VRK2: variants seen among roughly 807,000 people sequenced by gnomAD.
VRK2 encodes the protein VRK serine/threonine kinase 2, also known as serine/threonine-protein kinase VRK2.
Under a neutral mutation model 57.6 loss-of-function variants are expected in VRK2, and 60 were observed. The observed-to-expected ratio is 1.04, with a 90% CI of 0.85 to 1.29. The LOEUF (loss-of-function observed/expected upper bound fraction) is 1.29, where lower values mean the gene tolerates loss of function less well. Ranked by LOEUF, VRK2 falls within the 50% of genes most tolerant of loss-of-function variation. The probability of loss-of-function intolerance (pLI) is 0.00; values close to 1 mark genes in which losing one functional copy is unlikely to be tolerated. For missense variants in VRK2, 705 were observed against 588.1 expected (o/e 1.20, Z -2.06); for synonymous variants, 231 against 199.2 (o/e 1.16, Z -1.35).
chr2:58,005,677 A>T (rs1178732628), intron 1 of VRK2, among the ~76,000 whole-genome samples: 3 of 152,186 alleles, frequency 2.0e-5, no homozygotes, highest in Admixed American at 6.5e-5. Flanking sequence ...GTCAGTAAAA[A>T]CATTCAGTGA....
rs1346306651 is a variant in VRK2, at chr2:58,159,804, T to G, written c.*111T>G. The G allele has an allele frequency of 6.2e-7, 1 of 1,612,102 alleles. No individual in the cohort carries two copies. Among genetic ancestry groups the G allele is most frequent in the East Asian group, 2.2e-5 (1 of 44,810 alleles). ...CAGACATTTTTAAGGTAATTGGCTT[T>G]AAAAAGAGAACATATTTTAACAAAG... On this transcript the variant is annotated 3_prime_UTR_variant, in exon 13 of 13. Coordinates refer to ENST00000340157, the MANE Select transcript of VRK2 (RefSeq NM_006296.7).
chr2:57,988,032 G>T (rs1333533220), intron 1 of VRK2, among the ~76,000 whole-genome samples: 1 of 152,156 alleles, frequency 6.6e-6, no homozygotes, highest in Admixed American at 6.5e-5. Context: ...AGCATGGCAT[G>T]GGAAATTTGT....
chr2:58,095,155 G>A (rs1485322518), intron 7 of VRK2, among the ~76,000 whole-genome samples: 5 of 152,190 alleles, frequency 3.3e-5, no homozygotes, highest in South Asian at 4.2e-4. Context: ...TTATCCGGGC[G>A]TGGTGGCAGG....
chr2:58,150,285 A>G (rs1032148093), intron 12 of VRK2, among the ~76,000 whole-genome samples: 4 of 151,436 alleles, frequency 2.6e-5, no homozygotes, highest in African/African-American at 9.7e-5. Context: ...TTTACTTTCT[A>G]TAATATATAG....
At chr2:57,937,822 T>C (rs907416229) in intron 1 of VRK2, among the ~76,000 whole-genome samples, 18 of 140,620 alleles carry the variant, frequency 1.3e-4, no homozygotes, top group African/African-American at 4.4e-4. Context: ...TTATTGTTTA[T>C]CTTTCTTTTT....
At chr2:58,113,217 G>A (rs921038844) in intron 7 of VRK2, among the ~76,000 whole-genome samples, 5 of 151,536 alleles carry the variant, frequency 3.3e-5, no homozygotes, top group African/African-American at 9.7e-5. Context: ...GCTGCGGCAG[G>A]AGACTCACAT....
At chr2:57,933,960 G>C (rs537878748) in intron 1 of VRK2, among the ~76,000 whole-genome samples, 1 of 152,152 alleles carries the variant, frequency 6.6e-6, no homozygotes, top group East Asian at 1.9e-4. Flanking sequence ...ACATTTTATA[G>C]AGTCTAACAG....
chr2:58,116,670 A>G (rs1676549829), intron 7 of VRK2, among the ~76,000 whole-genome samples: 1 of 152,214 alleles, frequency 6.6e-6, no homozygotes. Context: ...CGAGGCAATC[A>G]GACAGCATCA....
chr2:58,039,673 A>C (rs1674384421), intron 3 of VRK2, among the ~76,000 whole-genome samples: 1 of 152,116 alleles, frequency 6.6e-6, no homozygotes, highest in Non-Finnish European at 1.5e-5. Flanking sequence ...TTATACTGTT[A>C]ATTGAAAAAA....
At chr2:57,958,451 ATATATATACATG>A (rs1671654595) in intron 1 of VRK2, among the ~76,000 whole-genome samples, 1 of 148,394 alleles carries the variant, frequency 6.7e-6, no homozygotes, top group Non-Finnish European at 1.5e-5. Context: ...ATATATTTGT[ATATATATACATG>A]TATATATACA....
intron 1 of VRK2, chr2:57,907,960 T>C (rs944999655): frequency 2.6e-5 from 4 of 152,118 alleles, no homozygotes; most frequent in African/African-American, 9.7e-5. Flanking sequence ...ATAATCCAAG[T>C]ACAGAAGATC....
chr2:58,113,606 G>T (rs1446933691), intron 7 of VRK2, among the ~76,000 whole-genome samples: 1 of 152,126 alleles, frequency 6.6e-6, no homozygotes. Context: ...AGTCAAAGGG[G>T]GTTGTTCTCT....
intron 1 of VRK2, among the ~76,000 whole-genome samples, chr2:57,978,608 GA>G (rs2104041966): frequency 6.6e-6 from 1 of 150,762 alleles, no homozygotes; most frequent in South Asian, 2.1e-4. Context: ...TAGAGACATG[GA>G]TCATGTGATC....
intron 1 of VRK2, among the ~76,000 whole-genome samples, chr2:57,988,236 C>T (rs1271186638): frequency 6.6e-6 from 1 of 152,156 alleles, no homozygotes; most frequent in Non-Finnish European, 1.5e-5. Flanking sequence ...CTTCCATTTT[C>T]TCTTTAACAT....
At chr2:58,083,453 G>A (rs1041985385) in intron 2 of VRK2, among the ~76,000 whole-genome samples, 7 of 151,652 alleles carry the variant, frequency 4.6e-5, no homozygotes, top group African/African-American at 1.7e-4. Flanking sequence ...AACAACAAAT[G>A]GAAAATAAGA....
At chr2:58,036,300 A>AAT (rs1190724753) in intron 3 of VRK2, among the ~76,000 whole-genome samples, 1 of 151,986 alleles carries the variant, frequency 6.6e-6, no homozygotes, top group Admixed American at 6.6e-5. Context: ...GCAAAAAAGG[A>AAT]ATATATATTC....
At chr2:58,143,451 A>G (rs921799173) in intron 11 of VRK2, among the ~76,000 whole-genome samples, 10 of 151,968 alleles carry the variant, frequency 6.6e-5, no homozygotes, top group Admixed American at 4.6e-4. Context: ...TTCCTTAGAA[A>G]TAAGATTTTC....
intron 12 of VRK2, among the ~76,000 whole-genome samples, chr2:58,148,938 C>T (rs1472413682): frequency 6.6e-6 from 1 of 151,744 alleles, no homozygotes; most frequent in African/African-American, 2.4e-5. Context: ...GTTCTTTAAT[C>T]CTTTTATTTT....
At chr2:58,051,065 G>A (rs997118578) in intron 2 of VRK2, among the ~76,000 whole-genome samples, 5 of 152,114 alleles carry the variant, frequency 3.3e-5, no homozygotes, top group Non-Finnish European at 7.4e-5. Context: ...GGATGGTCTC[G>A]AACTCCTGAC....
Sources: allele counts gnomAD v4.1 joint callset (sites outside exome capture counted in the v4.1 genomes callset), GRCh38; gene constraint gnomAD v4.1.1; transcripts MANE v1.5; gene names NCBI Gene and HGNC (gene_info 2026-07-23, HGNC 2026-07-21).